SDC1: variants seen among roughly 807,000 people sequenced by gnomAD.
SDC1 encodes the protein syndecan-1.
A neutral mutation model predicts 29.7 loss-of-function variants in SDC1; 14 were observed. The ratio of observed to expected loss-of-function variants is 0.47; its 90% CI spans 0.31 to 0.74. The LOEUF is 0.74. SDC1 is among the 30% of genes least tolerant of loss of function. The probability of loss-of-function intolerance (pLI) is 0.05; values close to 1 mark genes in which losing one functional copy is unlikely to be tolerated. For synonymous variants in SDC1, 204 were observed against 175.5 expected (o/e 1.16, Z -1.29); for missense variants, 406 against 400.3 (o/e 1.01, Z -0.12).
chr2:20,203,639 G>A (rs1194043765), intron 3 of SDC1, among the ~76,000 whole-genome samples, 174 bp downstream of exon 3: 2 of 152,178 alleles, frequency 1.3e-5, no homozygotes, highest in Admixed American at 1.3e-4. Flanking sequence ...TGATCTCATA[G>A]TTAGTCTGTC....
At chr2:20,218,812 C>A (rs1476025731) in intron 1 of SDC1, among the ~76,000 whole-genome samples, 1 of 151,754 alleles carries the variant, frequency 6.6e-6, no homozygotes, top group Non-Finnish European at 1.5e-5. Flanking sequence ...CAGACATACA[C>A]ACGCAGACAC....
At position 20,223,264 on chromosome 2, in the gene SDC1, C is replaced by T. The variant is rs550583694; in HGVS notation, c.66+1538G>A. On this transcript the variant is annotated intron_variant, in intron 1 of 4. Transcript: ENST00000254351. ...AGAAACGACTGTCCCTACCTCATCT[C>T]CCATGAGACAGACTCTGTAAAGAAA... 271 of 1,301,110 alleles carry T rather than the reference C, an allele frequency of 2.1e-4. 2 individuals are homozygous for T. The South Asian group carries it at 3.0e-3, about 15-fold the overall frequency. 80.6% of individuals were successfully genotyped at this position (1,301,110 alleles called of 1,614,324 possible).
intron 1 of SDC1, among the ~76,000 whole-genome samples, chr2:20,212,998 AGAGCC>A (rs1399339262): frequency 6.6e-6 from 1 of 152,232 alleles, no homozygotes; most frequent in Non-Finnish European, 1.5e-5. Context: ...TCAAGGTCGC[AGAGCC>A]GAGCCTCCCA....
intron 1 of SDC1, among the ~76,000 whole-genome samples, chr2:20,216,883 G>A (rs920679991): frequency 2.0e-5 from 3 of 152,238 alleles, no homozygotes; most frequent in Non-Finnish European, 2.9e-5. Context: ...CTCTCAGCCT[G>A]CTGAGTAGCA....
At position 20,223,286 on chromosome 2, in the gene SDC1, G is replaced by GAA. The variant is rs758497692; in HGVS notation, c.66+1514_66+1515dup. 55 of 1,180,050 alleles carry GAA rather than the reference G, an allele frequency of 4.7e-5. No individual in the cohort carries two copies. In the Middle Eastern group the frequency reaches 8.9e-4, roughly 19 times the overall value. The allele number at this position is 1,180,050 out of a possible 1,614,324, so 73.1% of individuals were successfully genotyped here. A position where few individuals can be genotyped will look rare whatever the true frequency, so the allele number is the denominator to read the frequency against. ...TCTCCCATGAGACAGACTCTGTAAA[G>GAA]AAAAAAAAAACCAAAGCGCTCAATA... On this transcript the variant is annotated intron_variant, in intron 1 of 4. Transcript: ENST00000254351.
Position 20,224,655 on chromosome 2 carries a change from G to C in SDC1, c.66+147C>G. On this transcript the variant is annotated intron_variant, in intron 1 of 4. Coordinates refer to ENST00000254351, the MANE Select transcript of SDC1 (RefSeq NM_002997.5). This position sits in a 1 kb window ranked among gnomAD's most constrained non-coding sequence, Gnocchi z 4.9. Reference sequence around the variant, plus strand: ...ATTGGGGCTGGAGCCCTGGTCTCGGGGCTCACCGTCCCGGGACCCGCTGGG... The same window carrying C: ...ATTGGGGCTGGAGCCCTGGTCTCGGCGCTCACCGTCCCGGGACCCGCTGGG... 1 of 1,005,712 alleles carries C rather than the reference G, an allele frequency of 9.9e-7. No individual in the cohort carries two copies. Among genetic ancestry groups the C allele is most frequent in the East Asian group, 3.9e-5 (1 of 25,690 alleles). The allele number at this position is 1,005,712 out of a possible 1,614,324, so 62.3% of individuals were successfully genotyped here. A position where few individuals can be genotyped will look rare whatever the true frequency, so the allele number is the denominator to read the frequency against.
intron 1 of SDC1, among the ~76,000 whole-genome samples, chr2:20,210,812 C>T (rs1013277575): frequency 2.0e-5 from 3 of 152,106 alleles, no homozygotes; most frequent in South Asian, 2.1e-4. Flanking sequence ...GCCCAGGCTG[C>T]GAGGTCATGA....
rs1253200027 is a variant in SDC1, at chr2:20,224,787, G to A, written c.66+15C>T. 9 of 1,305,626 alleles carry A rather than the reference G, an allele frequency of 6.9e-6. No individual in the cohort carries two copies. Among genetic ancestry groups the A allele is most frequent in the South Asian group, 2.1e-5 (1 of 46,706 alleles). The allele number at this position is 1,305,626 out of a possible 1,614,324, so 80.9% of individuals were successfully genotyped here. A position where few individuals can be genotyped will look rare whatever the true frequency, so the allele number is the denominator to read the frequency against. On this transcript the variant is annotated intron_variant, in intron 1 of 4. Transcript: ENST00000254351. The surrounding 1 kb of genome is among the most constrained non-coding windows in gnomAD (Gnocchi z 4.9). ...CTTCCCGCCGCCTCCCCGCCTGGCC[G>A]CCGGCCGCACTCACCGGCAGGGCCG...
Position 20,224,684 on chromosome 2 carries a change from G to A in SDC1, c.66+118C>T, listed in dbSNP as rs1677934669. The A allele has an allele frequency of 1.7e-6, 2 of 1,143,906 alleles. No individual in the cohort carries two copies. Among genetic ancestry groups the A allele is most frequent in the Non-Finnish European group, 2.2e-6 (2 of 917,512 alleles). The allele number at this position is 1,143,906 out of a possible 1,614,324, so 70.9% of individuals were successfully genotyped here. On this transcript the variant is annotated intron_variant, in intron 1 of 4. Coordinates refer to ENST00000254351, the MANE Select transcript of SDC1 (RefSeq NM_002997.5). The surrounding 1 kb of genome is among the most constrained non-coding windows in gnomAD (Gnocchi z 4.9). ...CACCGTCCCGGGACCCGCTGGGCTAGCGCGGGAAGAAGGGAAGTCTTCGCT... is the reference window on the plus strand; with the variant it reads ...CACCGTCCCGGGACCCGCTGGGCTAACGCGGGAAGAAGGGAAGTCTTCGCT...
chr2:20,223,653 G>A (rs140119662), intron 1 of SDC1, among the ~76,000 whole-genome samples: 2,145 of 152,312 alleles, frequency 0.014, 63 homozygotes, highest in African/African-American at 0.048. Context: ...GGCGGCCCGC[G>A]CTGACACCTG....
chr2:20,221,486 G>C (rs1280769797), intron 1 of SDC1, among the ~76,000 whole-genome samples: 2 of 152,294 alleles, frequency 1.3e-5, no homozygotes, highest in South Asian at 2.1e-4. Context: ...ATGATGAGGA[G>C]GACGACCCTG....
chr2:20,203,780 C>T (rs755161144), intron 3 of SDC1, 33 bp downstream of exon 3: 36 of 1,478,468 alleles, frequency 2.4e-5, no homozygotes, highest in Non-Finnish European at 3.1e-5. Flanking sequence ...GACCAACCCA[C>T]TCAATTTCCC....
intron 4 of SDC1, 56 bp downstream of exon 4, chr2:20,203,031 A>C: frequency 1.3e-6 from 2 of 1,568,912 alleles, no homozygotes; most frequent in Non-Finnish European, 1.7e-6. Context: ...GGTCAGCCCC[A>C]CCCTGACCCC....
In SDC1 at chr2:20,201,639, C is replaced by T. The variant is rs547928709; in HGVS notation, c.*1127G>A. The T allele has an allele frequency of 1.3e-5, 2 of 152,832 alleles. No individual in the cohort carries two copies. The highest frequency in any genetic ancestry group is 6.5e-5 in the Admixed American group (1 of 15,310). The allele number at this position is 152,832 out of a possible 1,614,324, so 9.5% of individuals were successfully genotyped here. A position where few individuals can be genotyped will look rare whatever the true frequency, so the allele number is the denominator to read the frequency against. The stretch of plus-strand genomic sequence containing the variant: ...TCCAGCCCAGGGCCCAGGGTGGGGC[C>T]ACAGGAGCTAACGGAGAACCTGGCC... On this transcript the variant is annotated 3_prime_UTR_variant, in exon 5 of 5. Coordinates refer to ENST00000254351, the MANE Select transcript of SDC1 (RefSeq NM_002997.5).
Position 20,224,128 on chromosome 2 carries a change from G to A in SDC1, c.66+674C>T. 2.4e-6 allele frequency: 1 copy of A among 423,900 alleles called. No individual in the cohort carries two copies. The highest frequency in any genetic ancestry group is 4.7e-6 in the Non-Finnish European group (1 of 212,386). 26.3% of individuals were successfully genotyped at this position (423,900 alleles called of 1,614,324 possible). ...AGCAGCCCAGAAGTTGGGCTCCTCC[G>A]GGTCTCCAGCGTTCCGAGGCCAACT... is the stretch of plus-strand genomic sequence containing the variant. On this transcript the variant is annotated intron_variant, in intron 1 of 4. Transcript: ENST00000254351. This position sits in a 1 kb window ranked among gnomAD's most constrained non-coding sequence, Gnocchi z 4.9.
In SDC1 at chr2:20,225,002, T is replaced by C. The variant is rs903961337; in HGVS notation, c.-135A>G. 9.0e-6 allele frequency: 10 copies of C among 1,108,220 alleles called. No homozygotes were observed. The African/African-American group carries it at 1.7e-4, about 18-fold the overall frequency. The allele number at this position is 1,108,220 out of a possible 1,614,324, so 68.6% of individuals were successfully genotyped here. ...GCTGTCCCAGGCGAGGGCTGCAGGG[T>C]CCGCCGGCTGGAGTCCGCTCTCTAC... On this transcript the variant is annotated 5_prime_UTR_variant, in exon 1 of 5. Transcript: ENST00000254351.
chr2:20,215,653 T>C (rs1246469351), intron 1 of SDC1, among the ~76,000 whole-genome samples: 2 of 152,242 alleles, frequency 1.3e-5, no homozygotes, highest in Non-Finnish European at 2.9e-5. Flanking sequence ...TGGTATTTCA[T>C]GGAACCTCTG....
At chr2:20,211,920 C>G (rs1039115495) in intron 1 of SDC1, among the ~76,000 whole-genome samples, 3 of 152,230 alleles carry the variant, frequency 2.0e-5, no homozygotes, top group Admixed American at 6.5e-5. Flanking sequence ...ACTGAGCAGG[C>G]AGGTCATATC....
intron 1 of SDC1, among the ~76,000 whole-genome samples, chr2:20,212,076 G>T (rs562685775): frequency 6.8e-6 from 1 of 147,988 alleles, no homozygotes; most frequent in African/African-American, 2.5e-5. Context: ...ACGCTAAAGT[G>T]CTTTACGGCT....
Sources: allele counts gnomAD v4.1 joint callset (sites outside exome capture counted in the v4.1 genomes callset), GRCh38; gene constraint gnomAD v4.1.1; non-coding constraint Gnocchi (gnomAD v3.1); transcripts MANE v1.5; gene names NCBI Gene and HGNC (gene_info 2026-07-23, HGNC 2026-07-21).